The following MYOF variants were observed in gnomAD, a reference collection of about 807,000 sequenced individuals.
MYOF encodes myoferlin.
Under a neutral mutation model 284.2 loss-of-function variants are expected in MYOF, and 244 were observed. The ratio of observed to expected loss-of-function variants is 0.86; its 90% confidence interval spans 0.77 to 0.95. The LOEUF is 0.95. Ranked by LOEUF, MYOF falls within the 40% of genes least tolerant of loss-of-function variation. MYOF has a pLI of 0.00. For missense variants in MYOF, 2,496 were observed against 2,560.6 expected, an observed-to-expected ratio of 0.97 and a Z score of 0.54; for synonymous variants, 904 against 919.7, an observed-to-expected ratio of 0.98 and a Z score of 0.31.
chr10:93,324,831 G>A (rs991630790), intron 46 of MYOF, among the ~76,000 whole-genome samples: 1 of 151,800 alleles, frequency 6.6e-6, no homozygotes, highest in Non-Finnish European at 1.5e-5. Context: ...CCAGGCTAGA[G>A]TGCAGTGGTG....
At chr10:93,465,146 A>C (rs2056972910) in intron 1 of MYOF, among the ~76,000 whole-genome samples, 1 of 152,198 alleles carries the variant, frequency 6.6e-6, no homozygotes, top group Non-Finnish European at 1.5e-5. Flanking sequence ...AGAAACCAAG[A>C]CACAGAGAGG....
intron 1 of MYOF, among the ~76,000 whole-genome samples, chr10:93,463,771 C>G (rs1478871106): frequency 6.7e-6 from 1 of 149,410 alleles, no homozygotes; most frequent in Non-Finnish European, 1.5e-5. Flanking sequence ...ACTCAGGAGG[C>G]TGAGGTGGGA....
At chr10:93,327,496 T>G (rs978390279) in intron 45 of MYOF, among the ~76,000 whole-genome samples, 1 of 152,008 alleles carries the variant, frequency 6.6e-6, no homozygotes, top group African/African-American at 2.4e-5. Flanking sequence ...CCCGCAAAAC[T>G]GTGAGGAAAA....
At chr10:93,339,626 C>T (rs1442131577) in intron 39 of MYOF, among the ~76,000 whole-genome samples, 1 of 151,952 alleles carries the variant, frequency 6.6e-6, no homozygotes, top group Non-Finnish European at 1.5e-5. Context: ...CTCACCACCA[C>T]GCCTGGTGAA....
intron 49 of MYOF, 151 bp from the exon 50 acceptor site, chr10:93,316,964 A>AGC (rs1417903691): frequency 3.3e-6 from 2 of 610,332 alleles, no homozygotes; most frequent in African/African-American, 3.7e-5. Flanking sequence ...CTGTACAGAG[A>AGC]GCAGTCAGGC....
chr10:93,399,556 T>G, intron 12 of MYOF, 61 bp from the exon 13 acceptor site: 1 of 1,216,984 alleles, frequency 8.2e-7, no homozygotes, highest in Non-Finnish European at 1.2e-6. Context: ...TGGCAAAATT[T>G]TAAAAGTTCT....
intron 25 of MYOF, among the ~76,000 whole-genome samples, chr10:93,368,221 G>A (rs1399404972): frequency 6.6e-6 from 1 of 152,064 alleles, no homozygotes; most frequent in Non-Finnish European, 1.5e-5. Context: ...TCCATTCAGG[G>A]CCTCCCTAGT....
rs915032511 is a variant in MYOF at position 93,369,702 on chromosome 10, A to G, written c.2532T>C (p.Ala844=). The G allele has an allele frequency of 2.0e-5, 33 of 1,614,120 alleles. No homozygotes were observed. The highest frequency in any genetic ancestry group is 3.3e-4 in the Middle Eastern group (2 of 6,084). Residue 844 remains alanine, a synonymous_variant, in exon 25 of 54, where the codon GCT becomes GCC. Transcript: ENST00000359263. ...LRVNIWLGLS[A]VEKKFNSFAE... ...CGAAGCTGTTAAACTTCTTCTCCAC[A>G]GCACTTAAGCCTAGCCAGATGTTCA...
At chr10:93,428,684 G>A (rs1388651050) in intron 4 of MYOF, among the ~76,000 whole-genome samples, 1 of 151,680 alleles carries the variant, frequency 6.6e-6, no homozygotes, top group Non-Finnish European at 1.5e-5. Flanking sequence ...CGTGTGTCTT[G>A]GAACTACTGC....
intron 46 of MYOF, 35 bp downstream of exon 46, chr10:93,325,791 G>A (rs1206327235): frequency 6.3e-7 from 1 of 1,590,512 alleles, no homozygotes; most frequent in Non-Finnish European, 8.6e-7. Context: ...TTTGGGGCAG[G>A]GATAATGGTC....
chr10:93,472,562 C>A (rs941712572), intron 1 of MYOF, among the ~76,000 whole-genome samples: 8 of 152,090 alleles, frequency 5.3e-5, no homozygotes, highest in Non-Finnish European at 1.0e-4. Flanking sequence ...TCGCTTGAAC[C>A]CAGGAGGAGG....
intron 3 of MYOF, among the ~76,000 whole-genome samples, chr10:93,449,913 T>C (rs1564728450): frequency 2.0e-5 from 3 of 151,920 alleles, no homozygotes; most frequent in East Asian, 1.9e-4. Flanking sequence ...GTCCAGGGAG[T>C]CCATGTCTGT....
chr10:93,457,703 G>C (rs58923080), intron 1 of MYOF, among the ~76,000 whole-genome samples: 5,520 of 150,774 alleles, frequency 0.037, 271 homozygotes, highest in East Asian at 0.25. Flanking sequence ...TAATCTTCGA[G>C]TACAAAATGC....
At chr10:93,479,109 T>C (rs1432780215) in intron 1 of MYOF, among the ~76,000 whole-genome samples, 1 of 152,110 alleles carries the variant, frequency 6.6e-6, no homozygotes, top group Non-Finnish European at 1.5e-5. Flanking sequence ...AGGGACTTTC[T>C]TTGATGCCGC....
At chr10:93,396,789 T>A (rs796730286) in intron 15 of MYOF, among the ~76,000 whole-genome samples, 8 of 152,332 alleles carry the variant, frequency 5.3e-5, no homozygotes, top group African/African-American at 1.7e-4. Context: ...TTATGGCCAA[T>A]CAGTGCTAGA....
intron 5 of MYOF, among the ~76,000 whole-genome samples, chr10:93,421,523 T>C (rs1848357366): frequency 6.6e-6 from 1 of 152,188 alleles, no homozygotes; most frequent in South Asian, 2.1e-4. Context: ...TGATCCCCAG[T>C]GTTGGAGGTG....
At chr10:93,374,156 C>T (rs1845728665) in intron 23 of MYOF, among the ~76,000 whole-genome samples, 1 of 152,160 alleles carries the variant, frequency 6.6e-6, no homozygotes, top group African/African-American at 2.4e-5. Flanking sequence ...ATGATGGTTT[C>T]CACCTTCATC....
Position 93,397,452 on chromosome 10 carries a change from C to A in MYOF, c.1226G>T (p.Cys409Phe), listed in dbSNP as rs763893225. The A allele has an allele frequency of 5.0e-6, 8 of 1,605,914 alleles. No individual in the cohort carries two copies. Among genetic ancestry groups the A allele is most frequent in the Non-Finnish European group, 6.8e-6 (8 of 1,177,880 alleles). ...VEVSFAGKKV[C>F]TNIIEKNANP... ...TGCATTTTTCTCAATTATGTTTGTA[C>A]AAACCTGTAAAATCACCAAAGCAAA... Residue 409 changes from cysteine to phenylalanine, a missense_variant, in exon 14 of 54, where the codon TGT becomes TTT. Transcript: ENST00000359263.
At chr10:93,453,491 GT>G (rs761999902) in intron 2 of MYOF, among the ~76,000 whole-genome samples, 1 of 152,052 alleles carries the variant, frequency 6.6e-6, no homozygotes. Context: ...TAGAAACAGG[GT>G]TTCACCATGT....
Sources: allele counts gnomAD v4.1 joint callset (sites outside exome capture counted in the v4.1 genomes callset), GRCh38; gene constraint gnomAD v4.1.1; transcripts MANE v1.5; gene names NCBI Gene and HGNC (gene_info 2026-07-23, HGNC 2026-07-21).